Variants in KLF7 observed in about 807,000 individuals in gnomAD.
KLF7 encodes Krueppel-like factor 7.
Under a neutral mutation model 27.3 loss-of-function variants are expected in KLF7, and 2 were observed. That is an observed-to-expected ratio of 0.07 (90% CI 0.03 to 0.23). KLF7 has a LOEUF of 0.23. Among genes scored for constraint, KLF7 ranks in the 10% least tolerant of loss-of-function variants. KLF7 has a pLI of 1.00. For missense variants in KLF7, 221 were observed against 394.1 expected, an observed-to-expected ratio of 0.56 and a Z score of 3.72; for synonymous variants, 165 against 162.4, an observed-to-expected ratio of 1.02 and a Z score of -0.12.
At chr2:207,102,064 A>G (rs114484717) in intron 2 of KLF7, among the ~76,000 whole-genome samples, 2,299 of 151,454 alleles carry the variant, frequency 0.015, 16 homozygotes, top group Non-Finnish European at 0.023. Flanking sequence ...GCTGCTCCCT[A>G]ATAGGAATCA....
At chr2:207,085,823 T>C (rs935055437) in intron 3 of KLF7, among the ~76,000 whole-genome samples, 3 of 152,146 alleles carry the variant, frequency 2.0e-5, no homozygotes, top group Middle Eastern at 3.2e-3. Flanking sequence ...AGTGGAAACA[T>C]AGTCATCACA....
At chr2:207,114,955 C>T (rs2077139379) in intron 2 of KLF7, among the ~76,000 whole-genome samples, 1 of 152,116 alleles carries the variant, frequency 6.6e-6, no homozygotes, top group South Asian at 2.1e-4. Context: ...ATATGTACCA[C>T]TTTACTGAAT....
intron 2 of KLF7, among the ~76,000 whole-genome samples, chr2:207,096,354 CCT>C (rs2076630104): frequency 6.6e-6 from 1 of 152,208 alleles, no homozygotes; most frequent in Non-Finnish European, 1.5e-5. Context: ...GGATCTCCTC[CCT>C]GTTGCTGCAT....
chr2:207,113,295 T>A (rs1268606731), intron 2 of KLF7, among the ~76,000 whole-genome samples: 2 of 152,224 alleles, frequency 1.3e-5, no homozygotes, highest in African/African-American at 4.8e-5. Flanking sequence ...TGTCTTCAAA[T>A]GTCTTGTTTC....
intron 2 of KLF7, among the ~76,000 whole-genome samples, chr2:207,114,430 G>C (rs1003297921): frequency 2.0e-5 from 3 of 152,184 alleles, no homozygotes; most frequent in Admixed American, 6.5e-5. Context: ...CGAATTCCAT[G>C]AGATGACATT....
intron 1 of KLF7, chr2:207,134,210 C>T: frequency 8.5e-7 from 1 of 1,172,646 alleles, no homozygotes; most frequent in African/African-American, 1.6e-5. Context: ...CTTCCTGGAA[C>T]ACAGTCATCT....
At position 207,083,206 on chromosome 2, in the gene KLF7, C is replaced by A. The variant is rs187811757; in HGVS notation, c.858-1942G>T. On this transcript the variant is annotated intron_variant, in intron 3 of 3. Coordinates refer to ENST00000309446, the MANE Select transcript of KLF7 (RefSeq NM_003709.4). ...TCACTGGTACACAGAAAAATCAATACAGCCCGCAGGGAATTTAGCGTCTAA... is the reference window on the plus strand; with the variant it reads ...TCACTGGTACACAGAAAAATCAATAAAGCCCGCAGGGAATTTAGCGTCTAA... Among the ~76,000 whole-genome samples, 11 of 152,254 alleles carry A rather than the reference C, an allele frequency of 7.2e-5. No individual in the cohort carries two copies. The East Asian group carries it at 2.1e-3, about 29-fold the overall frequency.
intron 1 of KLF7, among the ~76,000 whole-genome samples, chr2:207,127,215 C>A (rs2077504111): frequency 6.6e-6 from 1 of 152,104 alleles, no homozygotes; most frequent in Non-Finnish European, 1.5e-5. Context: ...CTATAATTTG[C>A]AATCCTAATA....
chr2:207,154,082 C>T (rs2078317120), intron 1 of KLF7, among the ~76,000 whole-genome samples: 2 of 152,186 alleles, frequency 1.3e-5, no homozygotes, highest in Non-Finnish European at 1.5e-5. Context: ...AAACACCCTA[C>T]TTTATCACAG....
intron 2 of KLF7, among the ~76,000 whole-genome samples, chr2:207,095,265 G>T (rs1162017415): frequency 2.6e-5 from 4 of 151,952 alleles, no homozygotes; most frequent in African/African-American, 9.7e-5. Flanking sequence ...AGCCAGGATG[G>T]TCTTGATCTC....
At chr2:207,109,011 T>A (rs184590093) in intron 2 of KLF7, among the ~76,000 whole-genome samples, 37 of 152,330 alleles carry the variant, frequency 2.4e-4, no homozygotes, top group Non-Finnish European at 3.2e-4. Context: ...TTTTCCAGCT[T>A]AGTAATAAAG....
rs1479310780 is a variant in KLF7 at position 207,079,954 on chromosome 2, C to A, written c.*1259G>T. Reference sequence around the variant, plus strand: ...TTGTGAAGCCACTAGACTTGGGAGGCATCCTCAGTTTTCCCCACTCCTGGA... The same window carrying A: ...TTGTGAAGCCACTAGACTTGGGAGGAATCCTCAGTTTTCCCCACTCCTGGA... On this transcript the variant is annotated 3_prime_UTR_variant, in exon 4 of 4. Coordinates refer to ENST00000309446, the MANE Select transcript of KLF7 (RefSeq NM_003709.4). The A allele has an allele frequency of 2.6e-5, 4 of 152,182 alleles. No individual in the cohort carries two copies. The highest frequency in any genetic ancestry group is 4.4e-5 in the Non-Finnish European group (3 of 68,030). 9.4% of individuals were successfully genotyped at this position (152,182 alleles called of 1,614,324 possible).
At chr2:207,173,064 TGTGA>T in the KLF7 span, among the ~76,000 whole-genome samples, 1 of 151,796 alleles carries the variant, frequency 6.6e-6, no homozygotes, top group African/African-American at 2.4e-5. Flanking sequence ...TCGTAGAAAA[TGTGA>T]GTGTCAGAGA....
chr2:207,120,393 T>C (rs570149491), intron 2 of KLF7, among the ~76,000 whole-genome samples: 1 of 152,344 alleles, frequency 6.6e-6, no homozygotes, highest in African/African-American at 2.4e-5. Context: ...CCTTTATGCA[T>C]ATGAGAGGAA....
At chr2:207,118,532 C>G (rs1369801852) in intron 2 of KLF7, among the ~76,000 whole-genome samples, 3 of 152,188 alleles carry the variant, frequency 2.0e-5, no homozygotes, top group African/African-American at 7.2e-5. Flanking sequence ...TGACTTGTTT[C>G]CCCTTTATTA....
Position 207,077,012 on chromosome 2 carries a change from A to ATATT in KLF7, c.*4200_*4201insAATA. On this transcript the variant is annotated 3_prime_UTR_variant, in exon 4 of 4. Coordinates refer to ENST00000309446, the MANE Select transcript of KLF7 (RefSeq NM_003709.4). The stretch of plus-strand genomic sequence containing the variant: ...AAATGAACCTGATTTTTGTAGTTAA[A>ATATT]TGTGTTGCATCTTTATCTTACTTTG... 6.6e-6 allele frequency: 1 copy of ATATT among 152,348 alleles called. No individual in the cohort carries two copies. Among genetic ancestry groups the ATATT allele is most frequent in the East Asian group, 1.9e-4 (1 of 5,194 alleles). The allele number at this position is 152,348 out of a possible 1,614,324, so 9.4% of individuals were successfully genotyped here.
intron 1 of KLF7, chr2:207,134,125 A>G: frequency 6.6e-7 from 1 of 1,507,308 alleles, no homozygotes; most frequent in Non-Finnish European, 8.8e-7. Flanking sequence ...CTCCCAAATC[A>G]CTTGCACAGG....
intron 3 of KLF7, among the ~76,000 whole-genome samples, chr2:207,083,887 T>G (rs920776405): frequency 2.0e-5 from 3 of 151,926 alleles, no homozygotes; most frequent in Non-Finnish European, 4.4e-5. Context: ...AGCCAAGGAA[T>G]GTGGGCAGCT....
upstream of KLF7, chr2:207,166,822 G>C (rs1388826227): frequency 4.9e-6 from 5 of 1,017,106 alleles, no homozygotes; most frequent in Non-Finnish European, 5.9e-6. Flanking sequence ...CCAGGGTGCA[G>C]AGAAGAAGCG....
Sources: allele counts gnomAD v4.1 joint callset (sites outside exome capture counted in the v4.1 genomes callset), GRCh38; gene constraint gnomAD v4.1.1; transcripts MANE v1.5; gene names NCBI Gene and HGNC (gene_info 2026-07-23, HGNC 2026-07-21).